ZNF609: variants seen among roughly 807,000 people sequenced by gnomAD.
ZNF609 encodes zinc finger protein 609.
In ZNF609, 11 loss-of-function variants were observed where a neutral mutation model predicts 109.5. The ratio of observed to expected loss-of-function variants is 0.10; its 90% confidence interval spans 0.06 to 0.17. The LOEUF (loss-of-function observed/expected upper bound fraction) is 0.17, where lower values mean the gene tolerates loss of function less well. Among genes scored for constraint, ZNF609 ranks in the 10% least tolerant of loss-of-function variants. The probability of loss-of-function intolerance (pLI) is 1.00; values close to 1 mark genes in which losing one functional copy is unlikely to be tolerated. For synonymous variants in ZNF609, 646 were observed against 662.0 expected, an observed-to-expected ratio of 0.98 and a Z score of 0.37; for missense variants, 1,559 against 1,772.4, an observed-to-expected ratio of 0.88 and a Z score of 2.16.
intron 3 of ZNF609, among the ~76,000 whole-genome samples, chr15:64,630,133 T>C (rs995521990): frequency 1.3e-5 from 2 of 149,266 alleles, no homozygotes; most frequent in African/African-American, 5.0e-5. Flanking sequence ...AGTCTCGCTC[T>C]GTTGCCCGGG....
chr15:64,508,582 G>T (rs1321743208), intron 2 of ZNF609, among the ~76,000 whole-genome samples: 1 of 151,930 alleles, frequency 6.6e-6, no homozygotes, highest in South Asian at 2.1e-4. Context: ...ATATAAATTA[G>T]TGGGCCCTGT....
At chr15:64,584,473 G>A (rs560325201) in intron 2 of ZNF609, among the ~76,000 whole-genome samples, 1 of 151,952 alleles carries the variant, frequency 6.6e-6, no homozygotes, top group East Asian at 1.9e-4. Context: ...GCTCATTTTT[G>A]TATTTTTAGT....
rs1224951902 is a variant in ZNF609 at position 64,685,169 on chromosome 15, A to G, written c.*3483A>G. On this transcript the variant is annotated 3_prime_UTR_variant, in exon 10 of 10. Coordinates refer to ENST00000326648, the MANE Select transcript of ZNF609 (RefSeq NM_015042.2). Reference sequence around the variant, plus strand: ...ATTACCAAGTTCCTTGTTTTTTTATATATATATATAAATATATATATATAC... The same window carrying G: ...ATTACCAAGTTCCTTGTTTTTTTATGTATATATATAAATATATATATATAC... 2.0e-5 allele frequency: 3 copies of G among 150,308 alleles called. No homozygotes were observed. The highest frequency in any genetic ancestry group is 3.0e-5 in the Non-Finnish European group (2 of 67,586). 9.3% of individuals were successfully genotyped at this position (150,308 alleles called of 1,614,324 possible).
At chr15:64,678,584 G>A (rs978623514) in intron 6 of ZNF609, 102 bp downstream of exon 6, 2 of 1,486,970 alleles carry the variant, frequency 1.3e-6, no homozygotes, top group Non-Finnish European at 1.8e-6. Context: ...GCATATTGAG[G>A]CTCGCTTAGA....
chr15:64,529,479 G>A (rs774503419), intron 2 of ZNF609: 38 of 1,065,590 alleles, frequency 3.6e-5, no homozygotes, highest in South Asian at 2.9e-4. Context: ...CAAGCGTCCC[G>A]TTCTCAGCCT....
At chr15:64,511,825 C>G (rs1396048541) in intron 2 of ZNF609, among the ~76,000 whole-genome samples, 1 of 151,480 alleles carries the variant, frequency 6.6e-6, no homozygotes, top group Non-Finnish European at 1.5e-5. Flanking sequence ...AGTGATTCTC[C>G]TGCCTCAGCC....
chr15:64,483,047 GGAATATTAAC>G (rs1465304745), intron 1 of ZNF609, among the ~76,000 whole-genome samples: 1 of 151,814 alleles, frequency 6.6e-6, no homozygotes, highest in Non-Finnish European at 1.5e-5. Flanking sequence ...TATTGCTGGA[GGAATATTAAC>G]GAATTTGATT....
At chr15:64,503,111 G>A (rs1437175879) in intron 2 of ZNF609, 1 of 151,932 alleles carries the variant, frequency 6.6e-6, no homozygotes, top group East Asian at 1.9e-4. Flanking sequence ...TCTTCTTTGT[G>A]AAGGTAGATA....
At chr15:64,668,625 A>G (rs868833507) in intron 3 of ZNF609, among the ~76,000 whole-genome samples, 1 of 152,118 alleles carries the variant, frequency 6.6e-6, no homozygotes, top group Non-Finnish European at 1.5e-5. Flanking sequence ...TTTGAGCCCA[A>G]TCTGGGCAAC....
chr15:64,489,686 T>A (rs925099885), intron 1 of ZNF609, among the ~76,000 whole-genome samples: 1 of 151,684 alleles, frequency 6.6e-6, no homozygotes, highest in East Asian at 2.0e-4. Flanking sequence ...CCCGCCACCA[T>A]GCATGGCTAA....
intron 2 of ZNF609, chr15:64,500,442 G>C (rs1893545497): frequency 1.5e-6 from 1 of 679,486 alleles, no homozygotes; most frequent in Non-Finnish European, 2.7e-6. Flanking sequence ...TCTGAGTTGA[G>C]ACCTTCCCAC....
chr15:64,584,850 A>G (rs1183854884), intron 2 of ZNF609, among the ~76,000 whole-genome samples: 1 of 149,454 alleles, frequency 6.7e-6, no homozygotes, highest in Non-Finnish European at 1.5e-5. Flanking sequence ...GATGGTCTCG[A>G]TCTCTTGACC....
chr15:64,677,372 A>G (rs537981194), intron 5 of ZNF609, among the ~76,000 whole-genome samples: 1 of 152,296 alleles, frequency 6.6e-6, no homozygotes, highest in Non-Finnish European at 1.5e-5. Flanking sequence ...TTTTATATCC[A>G]TAGCAGGTGT....
At chr15:64,634,163 C>G (rs972407124) in intron 3 of ZNF609, among the ~76,000 whole-genome samples, 1 of 151,988 alleles carries the variant, frequency 6.6e-6, no homozygotes, top group African/African-American at 2.4e-5. Context: ...GGGTAAGTAG[C>G]TGACATCTAA....
At chr15:64,626,002 G>A (rs1895957207) in intron 3 of ZNF609, among the ~76,000 whole-genome samples, 1 of 145,682 alleles carries the variant, frequency 6.9e-6, no homozygotes, top group Admixed American at 7.0e-5. Context: ...CTTAGGAATG[G>A]TGTCGAAGTA....
chr15:64,650,902 T>A (rs1044018248), intron 3 of ZNF609, among the ~76,000 whole-genome samples: 1 of 150,488 alleles, frequency 6.6e-6, no homozygotes, highest in Non-Finnish European at 1.5e-5. Context: ...GGGGGGGGGA[T>A]CCTTTGTCAT....
At chr15:64,679,677 C>T (rs546818244) in intron 6 of ZNF609, among the ~76,000 whole-genome samples, 96 of 152,330 alleles carry the variant, frequency 6.3e-4, no homozygotes, top group African/African-American at 2.2e-3. Flanking sequence ...GTTGAGTGCT[C>T]GCCCTGAGCC....
chr15:64,577,049 A>AATATATATATGTAT (rs1567019110), intron 2 of ZNF609, among the ~76,000 whole-genome samples: 1 of 105,110 alleles, frequency 9.5e-6, no homozygotes, highest in Non-Finnish European at 2.0e-5. Context: ...TATACACATA[A>AATATATATATGTAT]ATATATACAT....
At chr15:64,549,675 G>C (rs1489018839) in intron 2 of ZNF609, among the ~76,000 whole-genome samples, 1 of 152,168 alleles carries the variant, frequency 6.6e-6, no homozygotes, top group Non-Finnish European at 1.5e-5. Flanking sequence ...GTGTGTGTGT[G>C]AGTGAGAGAG....
Sources: allele counts gnomAD v4.1 joint callset (sites outside exome capture counted in the v4.1 genomes callset), GRCh38; gene constraint gnomAD v4.1.1; transcripts MANE v1.5; gene names NCBI Gene and HGNC (gene_info 2026-07-23, HGNC 2026-07-21).